Variants in PLCH1 observed in about 807,000 individuals in gnomAD.
PLCH1 encodes the protein 1-phosphatidylinositol 4,5-bisphosphate phosphodiesterase eta-1.
In PLCH1, 60 loss-of-function variants were observed where a neutral mutation model predicts 126.7. The observed-to-expected ratio is 0.47, with a 90% CI of 0.38 to 0.59. The LOEUF (loss-of-function observed/expected upper bound fraction) is 0.59, where lower values mean the gene tolerates loss of function less well. PLCH1 is among the 20% of genes least tolerant of loss of function. PLCH1 has a pLI of 0.00. For missense variants in PLCH1, 1,723 were observed against 2,040.0 expected (o/e 0.84, Z 2.99); for synonymous variants, 719 against 734.9 (o/e 0.98, Z 0.35).
chr3:155,676,009 T>G, intron 2 of PLCH1: 2 of 1,533,716 alleles, frequency 1.3e-6, no homozygotes, highest in South Asian at 2.4e-5. Flanking sequence ...TTTTCTGGAC[T>G]TAAGTTTTTA....
At chr3:155,528,469 A>G (rs145626233) in intron 10 of PLCH1, among the ~76,000 whole-genome samples, 9 of 152,322 alleles carry the variant, frequency 5.9e-5, no homozygotes, top group African/African-American at 2.2e-4. Flanking sequence ...GAAACAAGCT[A>G]TCAAGATATC....
intron 2 of PLCH1, among the ~76,000 whole-genome samples, chr3:155,606,756 T>C (rs1193787282): frequency 6.6e-6 from 1 of 152,194 alleles, no homozygotes; most frequent in African/African-American, 2.4e-5. Context: ...CCCACCAGCC[T>C]TGGAAAAATG....
intron 2 of PLCH1, among the ~76,000 whole-genome samples, chr3:155,636,025 G>A (rs1738677543): frequency 6.6e-6 from 1 of 152,210 alleles, no homozygotes; most frequent in Non-Finnish European, 1.5e-5. Context: ...ACAGATGGCT[G>A]TAGCAGCTCC....
intron 2 of PLCH1, among the ~76,000 whole-genome samples, chr3:155,638,807 T>C (rs1044177242): frequency 5.9e-5 from 9 of 152,198 alleles, no homozygotes; most frequent in African/African-American, 7.2e-5. Flanking sequence ...TACTCCTAAC[T>C]AGAATGAGTA....
chr3:155,622,051 G>A (rs36060711), intron 2 of PLCH1, among the ~76,000 whole-genome samples: 73,915 of 152,126 alleles, frequency 0.49, 20,354 homozygotes, highest in African/African-American at 0.74. Context: ...CCATCAGACT[G>A]ACAGCAGATC....
intron 2 of PLCH1, among the ~76,000 whole-genome samples, chr3:155,685,442 CCAAGG>C (rs1160588799): frequency 6.6e-6 from 1 of 152,076 alleles, no homozygotes; most frequent in Non-Finnish European, 1.5e-5. Context: ...AACTGTGGTA[CCAAGG>C]GAAGGCAGAG....
In PLCH1 at chr3:155,458,205, AGTAGT is replaced by A. The variant is rs767864773; in HGVS notation, c.2938+27146_2938+27150del. On this transcript the variant is annotated intron_variant, in intron 21 of 21. Transcript: ENST00000494598. ...AAAAATACAAAAATTAGTGGGGCGT[AGTAGT>A]GCATGCCTGTAATTCCAGCTACTAA... 1.1e-3 allele frequency among the ~76,000 whole-genome samples: 174 copies of A among 151,726 alleles called. 1 individual carries two copies. Among genetic ancestry groups the A allele is most frequent in the Non-Finnish European group, 1.3e-3 (91 of 67,910 alleles).
chr3:155,734,093 A>T (rs572618713), intron 1 of PLCH1, among the ~76,000 whole-genome samples: 1 of 151,898 alleles, frequency 6.6e-6, no homozygotes, highest in Admixed American at 6.6e-5. Flanking sequence ...GCTGGCAAGG[A>T]TATGGAAAAA....
chr3:155,704,059 C>A, intron 2 of PLCH1, 87 bp downstream of exon 2: 1 of 504,458 alleles, frequency 2.0e-6, no homozygotes, highest in South Asian at 1.0e-4. Flanking sequence ...AACAATTATA[C>A]CATATTTGCA....
intron 12 of PLCH1, among the ~76,000 whole-genome samples, chr3:155,511,351 A>G (rs944156433): frequency 7.6e-6 from 1 of 130,888 alleles, no homozygotes; most frequent in Non-Finnish European, 1.5e-5. Context: ...TTCTTCTCTC[A>G]GCTCGTCAAA....
chr3:155,694,067 C>T (rs970387993), intron 2 of PLCH1, among the ~76,000 whole-genome samples: 1 of 152,076 alleles, frequency 6.6e-6, no homozygotes, highest in Non-Finnish European at 1.5e-5. Context: ...TTTTAATGCT[C>T]CCCCTTCCCT....
At chr3:155,634,943 A>G (rs566501717) in intron 2 of PLCH1, among the ~76,000 whole-genome samples, 58 of 152,270 alleles carry the variant, frequency 3.8e-4, no homozygotes, top group African/African-American at 1.3e-3. Flanking sequence ...AGCGTGAACT[A>G]TGAAGGCTGT....
In PLCH1 at chr3:155,549,856, T is replaced by A. The variant is rs776265951; in HGVS notation, c.1293A>T (p.Ser431=). The change falls in exon 10 of 23, where the codon TCA becomes TCT. Residue 431 remains serine, a synonymous_variant. Coordinates refer to ENST00000460012, the MANE Select transcript of PLCH1 (RefSeq NM_014996.4). ...GCTTGCACTCCCCTGTATCAACAGATGACAGGTCCAGTTTGTCTCCGAATA... is the reference window on the plus strand; with the variant it reads ...GCTTGCACTCCCCTGTATCAACAGAAGACAGGTCCAGTTTGTCTCCGAATA... ...KGIFGDKLDL[S]SVDTGECKQL... 4.3e-6 allele frequency: 7 copies of A among 1,613,464 alleles called. No individual in the cohort carries two copies. In the African/African-American group the frequency reaches 8.0e-5, roughly 18 times the overall value.
chr3:155,505,179 A>G (rs59179121), intron 12 of PLCH1, among the ~76,000 whole-genome samples: 1,814 of 152,282 alleles, frequency 0.012, 29 homozygotes, highest in African/African-American at 0.041. Context: ...TTTAAAGTAA[A>G]CCAAGCAAAG....
chr3:155,500,738 C>T lies in PLCH1; in HGVS notation c.1761G>A (p.Gln587=), dbSNP rs201512706. 6 of 1,613,594 alleles carry T rather than the reference C, an allele frequency of 3.7e-6. No homozygotes were observed. The highest frequency in any genetic ancestry group is 5.1e-6 in the Non-Finnish European group (6 of 1,179,526). The change falls in exon 14 of 23, where the codon CAG becomes CAA. Residue 587 remains glutamine, a synonymous_variant. Transcript: ENST00000460012. ...SYSTDDEEDT[Q]QSTGKEGGQL... is the part of the protein sequence containing the mutation. ...GGCCACCCTCCTTGCCAGTACTCTG[C>T]TGTGTGTCTTCCTCATCATCAGTAC...
At chr3:155,470,507 A>G (rs1338924278) in intron 21 of PLCH1, among the ~76,000 whole-genome samples, 1 of 152,228 alleles carries the variant, frequency 6.6e-6, no homozygotes, top group Non-Finnish European at 1.5e-5. Flanking sequence ...ACTCTGCAGG[A>G]TATTATCCAG....
intron 10 of PLCH1, among the ~76,000 whole-genome samples, chr3:155,545,447 T>A (rs1271221988): frequency 6.7e-6 from 1 of 148,684 alleles, no homozygotes; most frequent in African/African-American, 2.5e-5. Context: ...AAAGCCGAAT[T>A]CTACCAGAGG....
rs1261549077 is a variant in PLCH1 at position 155,638,011 on chromosome 3, C to T, written c.80-41633G>A. Among the ~76,000 whole-genome samples, 4 of 152,168 alleles carry T rather than the reference C, an allele frequency of 2.6e-5. 1 individual carries two copies. The highest frequency in any genetic ancestry group is 7.2e-5 in the African/African-American group (3 of 41,436). ...TTGCACACGATCTGCACATGTTTAC[C>T]GTCAAATCAAAGCTTGATGATAAAC... On this transcript the variant is annotated intron_variant, in intron 2 of 22. Coordinates refer to ENST00000460012, the MANE Select transcript of PLCH1 (RefSeq NM_014996.4).
chr3:155,454,004 T>C (rs1487394924), intron 21 of PLCH1, among the ~76,000 whole-genome samples: 1 of 152,080 alleles, frequency 6.6e-6, no homozygotes, highest in Non-Finnish European at 1.5e-5. Flanking sequence ...CTAGTGGTTA[T>C]ACAATAATTA....
Sources: gnomAD v4.1 joint callset for allele counts (sites outside exome capture counted in the v4.1 genomes callset) on GRCh38, gnomAD v4.1.1 for gene constraint, MANE v1.5 for transcripts, NCBI Gene and HGNC (gene_info 2026-07-23, HGNC 2026-07-21) for gene names.